DHCR24: variants seen among roughly 807,000 people sequenced by gnomAD.
The protein encoded by DHCR24 is 24-dehydrocholesterol reductase.
In DHCR24, 28 loss-of-function variants were observed where a neutral mutation model predicts 61.2. The observed-to-expected ratio is 0.46, with a 90% CI of 0.34 to 0.63. The LOEUF (loss-of-function observed/expected upper bound fraction) is 0.63. Among genes scored for constraint, DHCR24 ranks in the 20% least tolerant of loss-of-function variants. DHCR24 has a pLI of 0.01. For synonymous variants in DHCR24, 261 were observed against 275.9 expected (o/e 0.95, Z 0.54); for missense variants, 538 against 679.1 (o/e 0.79, Z 2.31).
At position 54,865,405 on chromosome 1, in the gene DHCR24, C is replaced by G. The variant is rs281797256; in HGVS notation, c.918G>C (p.Lys306Asn). Residue 306 changes from lysine (K) to asparagine (N), a missense_variant, in exon 6 of 9, where the codon AAG becomes AAC. Lys to Asn is a moderately conservative substitution (Grantham distance 94). Transcript: ENST00000371269. The stretch of plus-strand genomic sequence containing the variant: ...TTGTCTTCAGATAGTTCTCCACATG[C>G]TTAAAGAACCACGGCTTGTAGTAAT... ...IGNYYKPWFF[K>N]HVENYLKTNR... The G allele has an allele frequency of 6.8e-6, 11 of 1,614,224 alleles. No homozygotes were observed. The highest frequency in any genetic ancestry group is 8.5e-6 in the Non-Finnish European group (10 of 1,180,044).
At position 54,852,115 on chromosome 1, in the gene DHCR24, G is replaced by T; in HGVS notation, c.*118C>A. On this transcript the variant is annotated 3_prime_UTR_variant, in exon 9 of 9. Coordinates refer to ENST00000371269, the MANE Select transcript of DHCR24 (RefSeq NM_014762.4). ...AGGAAGGTGGTGTTGGGCTGTCAGG[G>T]TGGGAGTTCTGGAGGGGTTTCTCTT... 1 of 1,252,922 alleles carries T rather than the reference G, an allele frequency of 8.0e-7. No individual in the cohort carries two copies. The highest frequency in any genetic ancestry group is 1.1e-6 in the Non-Finnish European group (1 of 892,546). 77.6% of individuals were successfully genotyped at this position (1,252,922 alleles called of 1,614,324 possible).
chr1:54,875,277 AGCTGGGGGGCCTCCTAGCATGAG>A, intron 3 of DHCR24, 66 bp from the exon 4 acceptor site: 1 of 1,442,970 alleles, frequency 6.9e-7, no homozygotes. Flanking sequence ...GGTGGGTTGG[AGCTGGGGGGCCTCCTAGCATGAG>A]GGAGGTTTGG....
chr1:54,883,517 C>T lies in DHCR24; in HGVS notation c.387+101G>A, dbSNP rs1647075767. ...TATGACTGTGGGCATTGGTCCTGTC[C>T]ACTCTGCAATGCCCTTGGCTAAAAT... is the stretch of plus-strand genomic sequence containing the variant. On this transcript the variant is annotated intron_variant, in intron 2 of 8. Coordinates refer to ENST00000371269, the MANE Select transcript of DHCR24 (RefSeq NM_014762.4). The surrounding 1 kb of genome is among the most constrained non-coding windows in gnomAD (Gnocchi z 4.3). The T allele has an allele frequency of 1.4e-6, 2 of 1,416,258 alleles. No homozygotes were observed. Among genetic ancestry groups the T allele is most frequent in the Non-Finnish European group, 2.0e-6 (2 of 1,002,740 alleles). The allele number at this position is 1,416,258 out of a possible 1,614,324, so 87.7% of individuals were successfully genotyped here. A position where few individuals can be genotyped will look rare whatever the true frequency, so the allele number is the denominator to read the frequency against.
Position 54,865,315 on chromosome 1 carries a change from G to A in DHCR24, c.1008C>T (p.Phe336=), listed in dbSNP as rs762149771. The stretch of plus-strand genomic sequence containing the variant: ...ACCTAAGCCTCACCTGGAGCTCCCA[G>A]AAGATGCTGCGCGTGTGGCGGTGGT... ...HYYHRHTRSI[F]WELQDIIPFG... Residue 336 remains phenylalanine (F), a synonymous_variant, in exon 6 of 9, where the codon TTC becomes TTT. Transcript: ENST00000371269. 1.2e-6 allele frequency: 2 copies of A among 1,613,756 alleles called. No individual in the cohort carries two copies. Among genetic ancestry groups the A allele is most frequent in the African/African-American group, 1.3e-5 (1 of 75,060 alleles).
At chr1:54,861,770 C>G (rs903393575) in intron 6 of DHCR24, among the ~76,000 whole-genome samples, 2 of 152,182 alleles carry the variant, frequency 1.3e-5, no homozygotes, top group Non-Finnish European at 2.9e-5. Context: ...GTGTGAATCC[C>G]TGGTAGGCCC....
chr1:54,852,414 C>T lies in DHCR24; in HGVS notation c.1398-28G>A, dbSNP rs751483001. 28 of 1,612,996 alleles carry T rather than the reference C, an allele frequency of 1.7e-5. 1 individual carries two copies. Among genetic ancestry groups the T allele is most frequent in the East Asian group, 4.5e-5 (2 of 44,894 alleles). ...GCAGAGGCAGAGAAGTGGGTGAGGA[C>T]GCCAGGAGGCACACGGAACGCGAGG... On this transcript the variant is annotated intron_variant, in intron 8 of 8. Coordinates refer to ENST00000371269, the MANE Select transcript of DHCR24 (RefSeq NM_014762.4).
intron 8 of DHCR24, 91 bp from the exon 9 acceptor site, chr1:54,852,477 A>G: frequency 6.8e-7 from 1 of 1,468,026 alleles, no homozygotes; most frequent in South Asian, 1.1e-5. Context: ...GCAGCCCAGA[A>G]AAGGCTTTTG....
chr1:54,865,509 A>G, intron 5 of DHCR24, 63 bp from the exon 6 acceptor site: 2 of 1,605,176 alleles, frequency 1.2e-6, no homozygotes, highest in South Asian at 2.2e-5. Context: ...TCGGGGTGTA[A>G]CAGCGACACC....
chr1:54,856,406 G>A (rs186416619), intron 6 of DHCR24, among the ~76,000 whole-genome samples: 85 of 152,308 alleles, frequency 5.6e-4, no homozygotes, highest in Non-Finnish European at 1.0e-3. Flanking sequence ...AGACTAGCCT[G>A]GCCAACATGG....
chr1:54,883,474 A>G lies in DHCR24; in HGVS notation c.387+144T>C. The G allele has an allele frequency of 9.5e-7, 1 of 1,054,906 alleles. No homozygotes were observed. Among genetic ancestry groups the G allele is most frequent in the Non-Finnish European group, 1.5e-6 (1 of 681,128 alleles). The allele number at this position is 1,054,906 out of a possible 1,614,324, so 65.3% of individuals were successfully genotyped here. On this transcript the variant is annotated intron_variant, in intron 2 of 8. Transcript: ENST00000371269. The surrounding 1 kb of genome is among the most constrained non-coding windows in gnomAD (Gnocchi z 4.3). ...GTGGCTGTGAGGCTTGAGGACAGCA[A>G]TGGCAGGGAGTATCTTCTATGACTG...
At chr1:54,852,413 A>T in intron 8 of DHCR24, 27 bp from the exon 9 acceptor site, 1 of 1,613,318 alleles carries the variant, frequency 6.2e-7, no homozygotes, top group East Asian at 2.2e-5. Context: ...GTGGGTGAGG[A>T]CGCCAGGAGG....
At chr1:54,869,986 CAG>C in intron 5 of DHCR24, among the ~76,000 whole-genome samples, 1 of 150,942 alleles carries the variant, frequency 6.6e-6, no homozygotes, top group Non-Finnish European at 1.5e-5. Flanking sequence ...ACCTGGGAGA[CAG>C]AGGTTGCAGT....
intron 6 of DHCR24, 57 bp downstream of exon 6, chr1:54,865,246 C>A: frequency 2.5e-6 from 4 of 1,580,660 alleles, no homozygotes; most frequent in African/African-American, 1.3e-5. Flanking sequence ...GTTAACTGTC[C>A]GGGCTCCCTG....
chr1:54,864,486 G>A (rs1646956600), intron 6 of DHCR24, among the ~76,000 whole-genome samples: 1 of 152,202 alleles, frequency 6.6e-6, no homozygotes, highest in Non-Finnish European at 1.5e-5. Context: ...AAGTAAATCT[G>A]CAGAGACAGA....
chr1:54,886,245 G>C (rs1426001690), intron 1 of DHCR24, among the ~76,000 whole-genome samples: 2 of 152,172 alleles, frequency 1.3e-5, no homozygotes, highest in Non-Finnish European at 2.9e-5. Context: ...GAGATGGACC[G>C]ACTGCCTTTG....
intron 1 of DHCR24, among the ~76,000 whole-genome samples, chr1:54,886,131 G>C (rs1647093499): frequency 1.3e-5 from 2 of 152,188 alleles, no homozygotes; most frequent in South Asian, 4.1e-4. Flanking sequence ...GGAACATAAA[G>C]AGAAGCAGAG....
chr1:54,869,144 C>T (rs1267133752), intron 5 of DHCR24, among the ~76,000 whole-genome samples: 2 of 152,282 alleles, frequency 1.3e-5, no homozygotes, highest in African/African-American at 2.4e-5. Context: ...CTGCAAAATG[C>T]TGCAAAGAGA....
In DHCR24 at chr1:54,851,391, G is replaced by A. The variant is rs187950024; in HGVS notation, c.*842C>T. On this transcript the variant is annotated 3_prime_UTR_variant, in exon 9 of 9. Coordinates refer to ENST00000371269, the MANE Select transcript of DHCR24 (RefSeq NM_014762.4). ...GCCTGCAGGGTTGGTGAGCCAAGAA[G>A]AATGAGCCCAGGTCCCCTGGATCCA... is the stretch of plus-strand genomic sequence containing the variant. 2.0e-5 allele frequency: 3 copies of A among 152,718 alleles called. No individual in the cohort carries two copies. Among genetic ancestry groups the A allele is most frequent in the African/African-American group, 7.2e-5 (3 of 41,544 alleles). 9.5% of individuals were successfully genotyped at this position (152,718 alleles called of 1,614,324 possible). A position where few individuals can be genotyped will look rare whatever the true frequency, so the allele number is the denominator to read the frequency against.
chr1:54,874,043 C>T (rs1215639808), intron 4 of DHCR24, among the ~76,000 whole-genome samples: 2 of 152,120 alleles, frequency 1.3e-5, no homozygotes, highest in Admixed American at 6.5e-5. Context: ...AAGAAGGAAA[C>T]TATTTCTGTA....
Sources: allele counts gnomAD v4.1 joint callset (sites outside exome capture counted in the v4.1 genomes callset), GRCh38; gene constraint gnomAD v4.1.1; non-coding constraint Gnocchi (gnomAD v3.1); transcripts MANE v1.5; gene names NCBI Gene and HGNC (gene_info 2026-07-23, HGNC 2026-07-21).